The following ANO3 variants were observed in gnomAD, a reference collection of about 807,000 sequenced individuals.
The protein encoded by ANO3 is anoctamin 3.
ANO3 carries 99 observed loss-of-function variants against 144.8 expected under a neutral mutation model. The ratio of observed to expected loss-of-function variants is 0.68; its 90% confidence interval spans 0.58 to 0.81. The LOEUF is 0.81. Ranked by LOEUF, ANO3 falls within the 30% of genes least tolerant of loss-of-function variation. The pLI is 0.00. For synonymous variants in ANO3, 414 were observed against 392.6 expected (o/e 1.05, Z -0.64); for missense variants, 905 against 1,202.2 (o/e 0.75, Z 3.66).
At chr11:26,329,889 C>G (rs867678284), upstream of ANO3, among the ~76,000 whole-genome samples, 2 of 151,494 alleles carry the variant, frequency 1.3e-5, no homozygotes, top group African/African-American at 2.4e-5. Context: ...CTAGGCTCAC[C>G]GCAAGCTCCG....
At chr11:26,285,212 C>T (rs1369467321) in intron 1 of ANO3, among the ~76,000 whole-genome samples, 2 of 151,774 alleles carry the variant, frequency 1.3e-5, no homozygotes, top group African/African-American at 4.8e-5. Context: ...TGTAAAAGAG[C>T]CTGAAGTCTT....
chr11:26,387,128 G>GTT (rs1856755136), intron 1 of ANO3, among the ~76,000 whole-genome samples: 2 of 116,800 alleles, frequency 1.7e-5, no homozygotes, highest in African/African-American at 3.4e-5. Flanking sequence ...TGCAAATGTA[G>GTT]TATTTTTTTT....
At chr11:26,488,379 C>T (rs963325113) in intron 4 of ANO3, among the ~76,000 whole-genome samples, 40 of 152,172 alleles carry the variant, frequency 2.6e-4, no homozygotes, top group African/African-American at 9.4e-4. Flanking sequence ...TGTCAGAGAC[C>T]TTCATGGCAG....
At chr11:26,188,937 A>G (rs1200263134) in exon 1 of ANO3, among the ~76,000 whole-genome samples, 1 of 152,192 alleles carries the variant, frequency 6.6e-6, no homozygotes, top group African/African-American at 2.4e-5. Flanking sequence ...CTTCAAGAAA[A>G]AAGACTCTAA....
At chr11:26,552,340 G>A (rs365243) in intron 12 of ANO3, among the ~76,000 whole-genome samples, 100,179 of 151,826 alleles carry the variant, frequency 0.66, 33,341 homozygotes, top group East Asian at 0.83. Context: ...GTACAAATGT[G>A]TAAAAACAAC....
At chr11:26,204,985 C>T (rs1010510061) in intron 1 of ANO3, among the ~76,000 whole-genome samples, 3 of 152,060 alleles carry the variant, frequency 2.0e-5, no homozygotes, top group African/African-American at 7.2e-5. Flanking sequence ...GGAAAGGCCT[C>T]AGGAAACTTA....
intron 1 of ANO3, among the ~76,000 whole-genome samples, chr11:26,380,879 G>A (rs1415357400): frequency 6.6e-6 from 1 of 152,122 alleles, no homozygotes; most frequent in East Asian, 1.9e-4. Flanking sequence ...CTACTCGGGA[G>A]GCTGAGACAG....
intron 17 of ANO3, among the ~76,000 whole-genome samples, chr11:26,609,818 A>T (rs1361038629): frequency 6.6e-6 from 1 of 152,186 alleles, no homozygotes; most frequent in Non-Finnish European, 1.5e-5. Flanking sequence ...ACCTTCATAG[A>T]GTTTTCCACA....
At chr11:26,634,990 T>A in intron 19 of ANO3, 23 bp from the exon 20 acceptor site, 19 of 1,603,060 alleles carry the variant, frequency 1.2e-5, no homozygotes, top group Non-Finnish European at 1.5e-5. Flanking sequence ...TAAATGCTAA[T>A]GAACTAAAAT....
At chr11:26,344,913 G>A (rs188584829) in intron 1 of ANO3, among the ~76,000 whole-genome samples, 5 of 151,804 alleles carry the variant, frequency 3.3e-5, no homozygotes, top group African/African-American at 1.2e-4. Flanking sequence ...AGTTACTTTT[G>A]TATATATATT....
intron 20 of ANO3, among the ~76,000 whole-genome samples, chr11:26,636,134 A>T (rs989183214): frequency 1.3e-5 from 2 of 152,330 alleles, no homozygotes; most frequent in African/African-American, 4.8e-5. Flanking sequence ...CAGGAGTTCG[A>T]GGATGCAGTG....
At position 26,555,535 on chromosome 11, in the gene ANO3, A is replaced by C. The variant is rs375028000; in HGVS notation, c.1386+2190A>C. Among the ~76,000 whole-genome samples the C allele has an allele frequency of 8.5e-5, 13 of 152,294 alleles. 1 individual carries two copies. In the East Asian group the frequency reaches 2.1e-3, roughly 25 times the overall value. ...TTCTGAACAGAGAAAGGTACATTTAAGGACAGGGATGACTCACAAAGAATT... is the reference window on the plus strand; with the variant it reads ...TTCTGAACAGAGAAAGGTACATTTACGGACAGGGATGACTCACAAAGAATT... On this transcript the variant is annotated intron_variant, in intron 13 of 26. Transcript: ENST00000256737.
At chr11:26,194,171 A>C (rs1442235573) in intron 1 of ANO3, among the ~76,000 whole-genome samples, 1 of 152,038 alleles carries the variant, frequency 6.6e-6, no homozygotes, top group Non-Finnish European at 1.5e-5. Flanking sequence ...GAAGGTGATG[A>C]TTAACCATGT....
chr11:26,524,204 G>C (rs1338775897), intron 6 of ANO3, among the ~76,000 whole-genome samples: 1 of 152,124 alleles, frequency 6.6e-6, no homozygotes, highest in Non-Finnish European at 1.5e-5. Context: ...AGTCCAGTAA[G>C]AATTGAGTGA....
chr11:26,452,821 G>A (rs1188370305), intron 3 of ANO3, among the ~76,000 whole-genome samples: 2 of 152,162 alleles, frequency 1.3e-5, no homozygotes, highest in African/African-American at 4.8e-5. Context: ...GTTAAGGGCA[G>A]TCAGAGAGAA....
intron 3 of ANO3, among the ~76,000 whole-genome samples, chr11:26,453,672 G>T (rs368499347): frequency 2.5e-3 from 375 of 152,122 alleles, no homozygotes; most frequent in African/African-American, 8.5e-3. Context: ...ACAGATCAAC[G>T]AGAAAGAAAG....
chr11:26,647,571 G>T (rs1853388398), intron 23 of ANO3, 138 bp from the exon 24 acceptor site: 1 of 676,560 alleles, frequency 1.5e-6, no homozygotes. Flanking sequence ...TCTGTATTGA[G>T]ATAGTATAAT....
At chr11:26,343,781 T>C (rs1855426067) in intron 1 of ANO3, among the ~76,000 whole-genome samples, 1 of 152,182 alleles carries the variant, frequency 6.6e-6, no homozygotes, top group South Asian at 2.1e-4. Flanking sequence ...TTCTCCAAGT[T>C]TCACTTCTTC....
At chr11:26,596,906 T>C (rs1488878457) in intron 14 of ANO3, among the ~76,000 whole-genome samples, 1 of 151,964 alleles carries the variant, frequency 6.6e-6, no homozygotes, top group Non-Finnish European at 1.5e-5. Context: ...CCTAGGAAAA[T>C]TGTGAAAGCA....
Sources: allele counts gnomAD v4.1 joint callset (sites outside exome capture counted in the v4.1 genomes callset), GRCh38; gene constraint gnomAD v4.1.1; transcripts MANE v1.5; gene names NCBI Gene and HGNC (gene_info 2026-07-23, HGNC 2026-07-21).